Variants in PMF1 observed in about 807,000 individuals in gnomAD.
The protein encoded by PMF1 is polyamine modulated factor 1.
A neutral mutation model predicts 26.7 loss-of-function variants in PMF1; 21 were observed. That is an observed-to-expected ratio of 0.79 (90% CI 0.56 to 1.13). The LOEUF is 1.13. PMF1 is among the 50% of genes most tolerant of loss of function. The pLI, the probability that PMF1 is intolerant of heterozygous loss-of-function variation, is 0.00. For missense variants in PMF1, 266 were observed against 254.9 expected, an observed-to-expected ratio of 1.04 and a Z score of -0.30; for synonymous variants, 105 against 101.0, an observed-to-expected ratio of 1.04 and a Z score of -0.24.
intron 1 of PMF1, among the ~76,000 whole-genome samples, chr1:156,216,911 T>A (rs1235814276): frequency 6.6e-6 from 1 of 151,954 alleles, no homozygotes; most frequent in African/African-American, 2.4e-5. Context: ...CCATAAAAAA[T>A]GATGAGTTAA....
intron 1 of PMF1, among the ~76,000 whole-genome samples, chr1:156,225,282 CTTTTTTTTTTT>C (rs58481427): frequency 1.4e-5 from 1 of 71,710 alleles, no homozygotes. Context: ...CAGTCCTCAG[CTTTTTTTTTTT>C]TTTTTTTTTT....
At chr1:156,220,463 C>T (rs1315370191) in intron 1 of PMF1, among the ~76,000 whole-genome samples, 1 of 152,136 alleles carries the variant, frequency 6.6e-6, no homozygotes, top group Non-Finnish European at 1.5e-5. Flanking sequence ...ATCCTCCCGC[C>T]TCAGCCTCCT....
chr1:156,235,499 T>A (rs1415749425), intron 3 of PMF1, among the ~76,000 whole-genome samples: 3 of 137,188 alleles, frequency 2.2e-5, no homozygotes, highest in African/African-American at 8.3e-5. Context: ...TGGAGTGCAG[T>A]GGCGCGATCT....
At chr1:156,234,518 A>AT (rs11377908) in intron 3 of PMF1, among the ~76,000 whole-genome samples, 17,512 of 149,138 alleles carry the variant, frequency 0.12, 1,669 homozygotes, top group African/African-American at 0.27. Flanking sequence ...TTTTTTTTCT[A>AT]TTTTTTTTAA....
chr1:156,232,292 C>T (rs1322772851), intron 1 of PMF1, 28 bp from the exon 2 acceptor site: 16 of 1,611,044 alleles, frequency 9.9e-6, no homozygotes, highest in Non-Finnish European at 1.0e-5. Flanking sequence ...TTGGCCCTCC[C>T]CACCTTTGCT....
intron 1 of PMF1, among the ~76,000 whole-genome samples, chr1:156,217,097 C>G (rs1464753774): frequency 2.7e-5 from 4 of 148,110 alleles, no homozygotes; most frequent in African/African-American, 5.1e-5. Context: ...GTTGGGGGAG[C>G]GGGGAGGGAT....
Position 156,239,766 on chromosome 1 carries a change from C to T in PMF1, c.*165C>T, listed in dbSNP as rs1572511715. 3 of 615,174 alleles carry T rather than the reference C, an allele frequency of 4.9e-6. No homozygotes were observed. 38.1% of individuals were successfully genotyped at this position (615,174 alleles called of 1,614,324 possible). On this transcript the variant is annotated 3_prime_UTR_variant, in exon 5 of 5. Coordinates refer to ENST00000368277, the MANE Select transcript of PMF1 (RefSeq NM_007221.4). Reference sequence around the variant, plus strand: ...TAGGCCAGAGCAAGCCTCACTGCCACTGTGCCTTTGGGGCACCCTTGGGGT... The same window carrying T: ...TAGGCCAGAGCAAGCCTCACTGCCATTGTGCCTTTGGGGCACCCTTGGGGT...
chr1:156,229,165 C>T (rs1658554620), intron 1 of PMF1, among the ~76,000 whole-genome samples: 1 of 152,210 alleles, frequency 6.6e-6, no homozygotes, highest in Non-Finnish European at 1.5e-5. Context: ...GCCTTGGCCT[C>T]CCAAAGTGCT....
At chr1:156,236,187 G>T (rs1658999118) in intron 3 of PMF1, 101 bp from the exon 4 acceptor site, 1 of 1,502,474 alleles carries the variant, frequency 6.7e-7, no homozygotes, top group East Asian at 2.3e-5. Context: ...CCCAACTTGG[G>T]ACAAGGTGGG....
At chr1:156,223,758 C>T (rs1204600690) in intron 1 of PMF1, 1 of 152,432 alleles carries the variant, frequency 6.6e-6, no homozygotes, top group African/African-American at 2.4e-5. Flanking sequence ...CTGTGGCCAG[C>T]TCCTGCTTCT....
intron 1 of PMF1, chr1:156,225,713 C>A (rs1210260366): frequency 5.4e-6 from 5 of 926,922 alleles, no homozygotes; most frequent in African/African-American, 1.6e-5. Context: ...CTGTGTACAC[C>A]GTGATATTGT....
At chr1:156,224,429 C>T (rs964345936) in intron 1 of PMF1, among the ~76,000 whole-genome samples, 1 of 152,206 alleles carries the variant, frequency 6.6e-6, no homozygotes, top group Non-Finnish European at 1.5e-5. Context: ...CCTTTTAATA[C>T]AACGATTCAT....
intron 1 of PMF1, chr1:156,225,633 A>G (rs1658332092): frequency 1.3e-6 from 2 of 1,562,870 alleles, no homozygotes; most frequent in Non-Finnish European, 1.7e-6. Flanking sequence ...ACAGGCCTTC[A>G]GTTGGGCGGC....
chr1:156,223,670 G>GAACACACA (rs1658200185), intron 1 of PMF1: 1 of 148,452 alleles, frequency 6.7e-6, no homozygotes. Flanking sequence ...ATGTGCACGT[G>GAACACACA]CACACACACA....
rs767498512 is a variant in PMF1, at chr1:156,213,026, C to A, written c.11C>A (p.Ala4Glu). The change falls in exon 1 of 5, where the codon GCA (alanine) becomes GAA (glutamate). Residue 4 changes from alanine (A) to glutamate (E), a missense_variant. Coordinates refer to ENST00000368277, the MANE Select transcript of PMF1 (RefSeq NM_007221.4). MAE[A>E]SSANLGSGCE... ...AGGTTCAACTTCAACATGGCCGAAG[C>A]AAGTAGCGCCAATCTAGGCAGCGGC... The A allele has an allele frequency of 7.4e-6, 12 of 1,614,074 alleles. No homozygotes were observed. The highest frequency in any genetic ancestry group is 2.2e-5 in the South Asian group (2 of 91,092).
intron 2 of PMF1, among the ~76,000 whole-genome samples, chr1:156,232,730 C>T (rs1658786847): frequency 6.6e-6 from 1 of 151,146 alleles, no homozygotes; most frequent in Non-Finnish European, 1.5e-5. Flanking sequence ...GGATCTTGCT[C>T]TGTCACCCAG....
chr1:156,239,009 G>A (rs1020013757), intron 4 of PMF1, among the ~76,000 whole-genome samples: 14 of 152,102 alleles, frequency 9.2e-5, no homozygotes, highest in African/African-American at 3.4e-4. Context: ...GTCACCATGA[G>A]GCCATGGGTC....
At chr1:156,217,663 A>T (rs1431032775) in intron 1 of PMF1, among the ~76,000 whole-genome samples, 1 of 149,592 alleles carries the variant, frequency 6.7e-6, no homozygotes, top group Admixed American at 6.7e-5. Flanking sequence ...GAGGCGGGGA[A>T]GTTGCAGTGA....
chr1:156,237,493 C>A (rs1659094406), intron 4 of PMF1, among the ~76,000 whole-genome samples: 1 of 141,012 alleles, frequency 7.1e-6, no homozygotes, highest in South Asian at 2.2e-4. Context: ...GTTGCCCAGG[C>A]TGGAGTGCAG....
Sources: gnomAD v4.1 joint callset for allele counts (sites outside exome capture counted in the v4.1 genomes callset) on GRCh38, gnomAD v4.1.1 for gene constraint, MANE v1.5 for transcripts, NCBI Gene and HGNC (gene_info 2026-07-23, HGNC 2026-07-21) for gene names.